Variants in RASA2 observed in about 807,000 individuals in gnomAD.
RASA2 encodes ras GTPase-activating protein 2.
Under a neutral mutation model 118.2 loss-of-function variants are expected in RASA2, and 155 were observed. The ratio of observed to expected loss-of-function variants is 1.31; its 90% CI spans 1.15 to 1.50. RASA2 has a LOEUF of 1.50. Among genes scored for constraint, RASA2 ranks in the 40% most tolerant of loss-of-function variants. RASA2 has a pLI of 0.00. For missense variants in RASA2, 1,016 were observed against 1,009.6 expected, an observed-to-expected ratio of 1.01 and a Z score of -0.09; for synonymous variants, 353 against 349.1, an observed-to-expected ratio of 1.01 and a Z score of -0.12.
chr3:141,570,033 A>G (rs1374879794), intron 9 of RASA2, among the ~76,000 whole-genome samples: 1 of 150,880 alleles, frequency 6.6e-6, no homozygotes, highest in Non-Finnish European at 1.5e-5. Context: ...TAATGGGTAC[A>G]TGAGCGTTCA....
chr3:141,520,623 T>C (rs1377374569), intron 3 of RASA2, among the ~76,000 whole-genome samples: 1 of 150,252 alleles, frequency 6.7e-6, no homozygotes, highest in Non-Finnish European at 1.5e-5. Flanking sequence ...TTATATGATA[T>C]ACAGTTATAT....
chr3:141,495,381 G>A (rs1042396442), intron 1 of RASA2, among the ~76,000 whole-genome samples: 1 of 151,910 alleles, frequency 6.6e-6, no homozygotes, highest in African/African-American at 2.4e-5. Flanking sequence ...ATTATGTCCA[G>A]ATTATATAAA....
chr3:141,562,917 C>T (rs991405151), intron 9 of RASA2, among the ~76,000 whole-genome samples: 9 of 152,058 alleles, frequency 5.9e-5, no homozygotes, highest in South Asian at 4.1e-4. Context: ...TTGATCCCCC[C>T]GCCTCGGCCT....
In RASA2 at chr3:141,572,731, A is replaced by C. The variant is rs761493948; in HGVS notation, c.1284+8A>C. The C allele has an allele frequency of 6.5e-7, 1 of 1,541,864 alleles. No individual in the cohort carries two copies. The highest frequency in any genetic ancestry group is 8.9e-7 in the Non-Finnish European group (1 of 1,120,940). ...AAACCTATTCTTGATGAGGTACAGA[A>C]TATATCTCCAACAATGATAGTTTGT... On this transcript the variant is annotated splice_region_variant and intron_variant, in intron 12 of 23. Transcript: ENST00000286364.
At chr3:141,600,137 A>G in intron 19 of RASA2, 1 of 285,856 alleles carries the variant, frequency 3.5e-6, no homozygotes. Flanking sequence ...CTGCAGTGTG[A>G]AAAGACTAAA....
At chr3:141,541,556 T>A (rs2151102937) in intron 5 of RASA2, among the ~76,000 whole-genome samples, 1 of 152,206 alleles carries the variant, frequency 6.6e-6, no homozygotes, top group African/African-American at 2.4e-5. Context: ...GTTACCAAAT[T>A]CAGGAAGTTT....
At position 141,574,717 on chromosome 3, in the gene RASA2, A is replaced by G. The variant is rs145770747; in HGVS notation, c.1483+650A>G. Among the ~76,000 whole-genome samples the G allele has an allele frequency of 4.6e-3, 698 of 152,362 alleles. 5 individuals carry two copies. Among genetic ancestry groups the G allele is most frequent in the African/African-American group, 0.016 (667 of 41,586 alleles). ...CCAGATGCTTATGAGAGTTAAAAAT[A>G]CCTTTGTTATTTATACCAACTATCT... is the stretch of plus-strand genomic sequence containing the variant. On this transcript the variant is annotated intron_variant, in intron 14 of 23. Transcript: ENST00000286364.
Position 141,499,892 on chromosome 3 carries a change from GTGT to G in RASA2, c.134-12266_134-12264del, listed in dbSNP as rs537697664. Among the ~76,000 whole-genome samples, 15 of 152,248 alleles carry G rather than the reference GTGT, an allele frequency of 9.9e-5. No homozygotes were observed. In the East Asian group the frequency reaches 1.7e-3, roughly 18 times the overall value. On this transcript the variant is annotated intron_variant, in intron 1 of 23. Coordinates refer to ENST00000286364, the MANE Select transcript of RASA2 (RefSeq NM_006506.5). ...GCATGAGCCACCGTGCCTGGCCAAT[GTGT>G]TGTTTTTTTAAAGATTACCAATCGA...
chr3:141,614,432 A>C lies in RASA2; in HGVS notation c.*2119A>C, dbSNP rs2083697229. 6.6e-6 allele frequency: 1 copy of C among 152,194 alleles called. No individual in the cohort carries two copies. Among genetic ancestry groups the C allele is most frequent in the Non-Finnish European group, 1.5e-5 (1 of 68,024 alleles). The allele number at this position is 152,194 out of a possible 1,614,324, so 9.4% of individuals were successfully genotyped here. A position where few individuals can be genotyped will look rare whatever the true frequency, so the allele number is the denominator to read the frequency against. Reference sequence around the variant, plus strand: ...GAGACCATGTAAGTAGGACCCTAAGACAACCAAGGAATTTGCTTCCAGGGC... The same window carrying C: ...GAGACCATGTAAGTAGGACCCTAAGCCAACCAAGGAATTTGCTTCCAGGGC... On this transcript the variant is annotated 3_prime_UTR_variant, in exon 24 of 24. Transcript: ENST00000286364.
At chr3:141,551,486 T>C (rs190532802) in intron 5 of RASA2, among the ~76,000 whole-genome samples, 3 of 152,356 alleles carry the variant, frequency 2.0e-5, no homozygotes, top group Admixed American at 2.0e-4. Flanking sequence ...CAGTGGGGAT[T>C]CTTGTAGCTC....
Position 141,571,430 on chromosome 3 carries a change from AT to A in RASA2, c.1049del (p.Leu350Ter), listed in dbSNP as rs775275481. Reference sequence around the variant, plus strand: ...GCCAATATCTGCCTCAGCTGCTTACATTTTGAGTGAAATATGTCGAGATAAA... The same window carrying A: ...GCCAATATCTGCCTCAGCTGCTTACATTTGAGTGAAATATGTCGAGATAAA... ...VQPISASAAY[I>X]LSEICRDKND... On this transcript the variant is annotated frameshift_variant, in exon 11 of 24. Transcript: ENST00000286364. LOFTEE classifies it high-confidence loss of function. 2 of 1,613,668 alleles carry A rather than the reference AT, an allele frequency of 1.2e-6. No individual in the cohort carries two copies. The highest frequency in any genetic ancestry group is 1.7e-6 in the Non-Finnish European group (2 of 1,179,834).
intron 9 of RASA2, among the ~76,000 whole-genome samples, chr3:141,563,590 A>G (rs1242633576): frequency 1.3e-5 from 2 of 152,212 alleles, no homozygotes; most frequent in Non-Finnish European, 2.9e-5. Flanking sequence ...GCCAGGAACT[A>G]TTCTAAGTAC....
intron 19 of RASA2, among the ~76,000 whole-genome samples, chr3:141,607,284 C>T (rs2083563013): frequency 6.6e-6 from 1 of 152,090 alleles, no homozygotes; most frequent in South Asian, 2.1e-4. Flanking sequence ...GTCATAGTCA[C>T]TGCTTACATA....
Position 141,558,954 on chromosome 3 carries a change from A to G in RASA2, c.753A>G (p.Leu251=). 1 of 1,602,818 alleles carries G rather than the reference A, an allele frequency of 6.2e-7. No homozygotes were observed. The highest frequency in any genetic ancestry group is 1.1e-5 in the South Asian group (1 of 90,542). The change falls in exon 8 of 24, where the codon CTA becomes CTG. Residue 251 remains leucine, a synonymous_variant. Transcript: ENST00000286364. ...TAGAAGAGGAGGACATTGAAAAGCT[A>G]GAAATCAGGTATGTGCCTTGGGGTT... ...FQVEEEDIEK[L]EIRIDLWNNG...
intron 4 of RASA2, among the ~76,000 whole-genome samples, chr3:141,531,814 A>G (rs778085984): frequency 4.6e-5 from 7 of 152,064 alleles, no homozygotes; most frequent in Non-Finnish European, 1.0e-4. Flanking sequence ...TTGGGTTAAT[A>G]TGGTACCATT....
At chr3:141,495,281 A>G (rs934207082) in intron 1 of RASA2, among the ~76,000 whole-genome samples, 29 of 152,236 alleles carry the variant, frequency 1.9e-4, no homozygotes, top group African/African-American at 6.8e-4. Flanking sequence ...TGGCTGGTGA[A>G]TGGTGGAGCT....
At chr3:141,500,338 T>C (rs1425226118) in intron 1 of RASA2, among the ~76,000 whole-genome samples, 1 of 152,216 alleles carries the variant, frequency 6.6e-6, no homozygotes, top group Non-Finnish European at 1.5e-5. Flanking sequence ...TCTCTTCCTT[T>C]CTCCATTCAG....
At position 141,598,079 on chromosome 3, in the gene RASA2, A is replaced by G. The variant is rs1362029109; in HGVS notation, c.1934-9599A>G. 3.9e-5 allele frequency among the ~76,000 whole-genome samples: 6 copies of G among 152,214 alleles called. No homozygotes were observed. The East Asian group carries it at 1.2e-3, about 29-fold the overall frequency. On this transcript the variant is annotated intron_variant, in intron 19 of 23. Transcript: ENST00000286364. ...GAAATGTGTCCTAAAAAAGAATGCC[A>G]GGCTTAAATAGCTTTACTGGTAAAG...
intron 1 of RASA2, among the ~76,000 whole-genome samples, chr3:141,491,537 C>A (rs1224008451): frequency 1.3e-5 from 2 of 152,106 alleles, no homozygotes; most frequent in South Asian, 4.1e-4. Flanking sequence ...ATATGCCCTA[C>A]CTCACAATGT....
Sources: allele counts gnomAD v4.1 joint callset (sites outside exome capture counted in the v4.1 genomes callset), GRCh38; gene constraint gnomAD v4.1.1; transcripts MANE v1.5; gene names NCBI Gene and HGNC (gene_info 2026-07-23, HGNC 2026-07-21).